The following MAP3K8 variants were observed in gnomAD, a reference collection of about 807,000 sequenced individuals.
MAP3K8 encodes the protein mitogen-activated protein kinase kinase kinase 8.
A neutral mutation model predicts 45.8 loss-of-function variants in MAP3K8; 22 were observed. The observed-to-expected ratio is 0.48, with a 90% CI of 0.34 to 0.69. MAP3K8 has a LOEUF of 0.69. MAP3K8 is among the 30% of genes least tolerant of loss of function. The pLI is 0.01. For synonymous variants in MAP3K8, 223 were observed against 214.3 expected (o/e 1.04, Z -0.36); for missense variants, 419 against 585.0 (o/e 0.72, Z 2.93).
At chr10:30,443,686 A>G (rs1442563084) in intron 3 of MAP3K8, among the ~76,000 whole-genome samples, 1 of 152,258 alleles carries the variant, frequency 6.6e-6, no homozygotes, top group Non-Finnish European at 1.5e-5. Flanking sequence ...GTTTCATAGT[A>G]GCATATCACA....
At position 30,460,712 on chromosome 10, in the gene MAP3K8, C is replaced by T. The variant is rs143676953; in HGVS notation, c.1280C>T (p.Ser427Leu). The T allele has an allele frequency of 5.9e-4, 943 of 1,604,998 alleles. 1 individual carries two copies. The highest frequency in any genetic ancestry group is 2.9e-4 in the Non-Finnish European group (339 of 1,175,640). Residue 427 changes from serine (S) to leucine (L), a missense_variant, in exon 9 of 9, where the codon TCG becomes TTG. Ser to Leu is a moderately radical substitution (Grantham distance 145). Transcript: ENST00000263056. ...GTAATGTTTTCCTTTTCAGATTCTT[C>T]GTGCACAGGAAGCACCGAGGAATCT... ...LELPENIADS[S>L]CTGSTEESEM...
At chr10:30,436,723 T>C (rs571851646) in intron 1 of MAP3K8, among the ~76,000 whole-genome samples, 2 of 151,492 alleles carry the variant, frequency 1.3e-5, no homozygotes, top group African/African-American at 4.9e-5. Context: ...TCCTCTAAAA[T>C]TTGTCTTCCC....
At chr10:30,435,572 GA>G (rs8176957) in intron 1 of MAP3K8, among the ~76,000 whole-genome samples, 37,705 of 152,072 alleles carry the variant, frequency 0.25, 8,490 homozygotes, top group African/African-American at 0.6. Context: ...TTTTTTTTGA[GA>G]GGGGGTTTCA....
Position 30,459,316 on chromosome 10 carries a change from A to T in MAP3K8, c.1088A>T (p.Glu363Val). The T allele has an allele frequency of 1.9e-6, 3 of 1,614,166 alleles. No individual in the cohort carries two copies. Among genetic ancestry groups the T allele is most frequent in the Non-Finnish European group, 2.5e-6 (3 of 1,180,012 alleles). ...GATGACTGCAGTCCAGGGATGAGAG[A>T]GCTGATAGAAGCTTCCCTGGAGAGA... ...IADDCSPGMRELIEASLERNP... is the reference protein window; with the variant it reads ...IADDCSPGMRVLIEASLERNP... Residue 363 changes from glutamate (E) to valine (V), a missense_variant, in exon 8 of 9, where the codon GAG (glutamate) becomes GTG (valine). Around this residue, in one of 3 missense-constraint regions of MAP3K8, gnomAD observed 209 missense variants for 367.3 expected, o/e 0.57. Transcript: ENST00000263056.
chr10:30,459,284 C>T lies in MAP3K8; in HGVS notation c.1056C>T (p.Asp352=), dbSNP rs137991584. ...ACAAGCAAGCACCTCCACTGGAAGA[C>T]ATTGCAGATGACTGCAGTCCAGGGA... is the stretch of plus-strand genomic sequence containing the variant. ...IIHKQAPPLE[D]IADDCSPGMR... The change falls in exon 8 of 9, where the codon GAC becomes GAT. Residue 352 remains aspartate (D), a synonymous_variant. Transcript: ENST00000263056. 4.0e-4 allele frequency: 640 copies of T among 1,614,180 alleles called. 1 individual carries two copies. In the African/African-American group the frequency reaches 4.1e-3, roughly 10 times the overall value.
chr10:30,458,155 C>T lies in MAP3K8; in HGVS notation c.945C>T (p.Ala315=), dbSNP rs749313634. ...AAGCAGACATCTACAGCCTGGGGGC[C>T]ACGCTCATCCACATGCAGACGGGCA... ...STKADIYSLG[A]TLIHMQTGTP... is the part of the protein sequence containing the mutation. The change falls in exon 7 of 9, where the codon GCC becomes GCT. Residue 315 remains alanine (A), a synonymous_variant. Transcript: ENST00000263056. The T allele has an allele frequency of 3.4e-5, 55 of 1,595,092 alleles. No individual in the cohort carries two copies. The highest frequency in any genetic ancestry group is 4.6e-5 in the Non-Finnish European group (54 of 1,170,444).
In MAP3K8 at chr10:30,438,912, C is replaced by T. The variant is rs762517753; in HGVS notation, c.-23-4C>T. 1 of 1,504,664 alleles carries T rather than the reference C, an allele frequency of 6.6e-7. No individual in the cohort carries two copies. The highest frequency in any genetic ancestry group is 1.2e-5 in the South Asian group (1 of 84,428). 93.2% of individuals were successfully genotyped at this position (1,504,664 alleles called of 1,614,324 possible). ...AAACTAAATATTTGTGTTTTCTTTC[C>T]TAGACTCTCCAGAAAGAGCAACAGT... On this transcript the variant is annotated splice_region_variant and splice_polypyrimidine_tract_variant and intron_variant, in intron 2 of 8. Coordinates refer to ENST00000263056, the MANE Select transcript of MAP3K8 (RefSeq NM_005204.4).
At chr10:30,444,454 A>C (rs1429471427) in intron 3 of MAP3K8, among the ~76,000 whole-genome samples, 3 of 152,018 alleles carry the variant, frequency 2.0e-5, no homozygotes, top group Admixed American at 2.0e-4. Context: ...CAAGAACGAA[A>C]CTCCATCACA....
rs766832145 is a variant in MAP3K8, at chr10:30,438,897, T to C, written c.-23-19T>C. 8 of 1,339,894 alleles carry C rather than the reference T, an allele frequency of 6.0e-6. No homozygotes were observed. The highest frequency in any genetic ancestry group is 8.2e-6 in the Non-Finnish European group (8 of 971,460). The allele number at this position is 1,339,894 out of a possible 1,614,324, so 83.0% of individuals were successfully genotyped here. ...AAATACAAATATCGTAAACTAAATA[T>C]TTGTGTTTTCTTTCCTAGACTCTCC... is the stretch of plus-strand genomic sequence containing the variant. On this transcript the variant is annotated intron_variant, in intron 2 of 8. Transcript: ENST00000263056.
intron 1 of MAP3K8, among the ~76,000 whole-genome samples, chr10:30,436,918 C>CAAAAAAA: frequency 6.6e-6 from 1 of 151,130 alleles, no homozygotes; most frequent in Non-Finnish European, 1.5e-5. Flanking sequence ...CTCTGTGTTT[C>CAAAAAAA]CAGTAAATTC....
rs192659341 is a variant in MAP3K8 at position 30,453,004 on chromosome 10, T to A, written c.873+1260T>A. Among the ~76,000 whole-genome samples the A allele has an allele frequency of 3.3e-3, 499 of 152,272 alleles. 1 individual carries two copies. Among genetic ancestry groups the A allele is most frequent in the Admixed American group, 9.0e-3 (137 of 15,300 alleles). ...CACAGTTCAGCTTTAATAATAATTA[T>A]AGAATTAGAGTTAACTTTATAATAA... On this transcript the variant is annotated intron_variant, in intron 6 of 8. Transcript: ENST00000263056.
At position 30,456,913 on chromosome 10, in the gene MAP3K8, A is replaced by G. The variant is rs965024926; in HGVS notation, c.874-1171A>G. On this transcript the variant is annotated intron_variant, in intron 6 of 8. Coordinates refer to ENST00000263056, the MANE Select transcript of MAP3K8 (RefSeq NM_005204.4). ...AGCCTGGCCAACATGGTGAAACCCC[A>G]TCTCTACTAAAAATACAAAAATTAG... is the stretch of plus-strand genomic sequence containing the variant. 7.2e-5 allele frequency among the ~76,000 whole-genome samples: 11 copies of G among 152,066 alleles called. 1 individual carries two copies. Among genetic ancestry groups the G allele is most frequent in the Admixed American group, 1.3e-4 (2 of 15,280 alleles).
Position 30,459,476 on chromosome 10 carries a change from G to T in MAP3K8, c.1248G>T (p.Glu416Asp), listed in dbSNP as rs1196878465. Residue 416 changes from glutamate to aspartate, a missense_variant, in exon 8 of 9, where the codon GAG becomes GAT. Glu to Asp is a conservative substitution (Grantham distance 45). Coordinates refer to ENST00000263056, the MANE Select transcript of MAP3K8 (RefSeq NM_005204.4). ...LERKRLLSRK[E>D]LELPENIADS... Reference sequence around the variant, plus strand: ...GCAAGAGGCTGCTGAGTAGGAAGGAGCTGGAACTTCCTGAGAACATTGCTG... The same window carrying T: ...GCAAGAGGCTGCTGAGTAGGAAGGATCTGGAACTTCCTGAGAACATTGCTG... 3.1e-6 allele frequency: 5 copies of T among 1,613,870 alleles called. No homozygotes were observed. The highest frequency in any genetic ancestry group is 4.2e-6 in the Non-Finnish European group (5 of 1,180,026).
intron 6 of MAP3K8, among the ~76,000 whole-genome samples, chr10:30,454,585 A>C: frequency 6.6e-6 from 1 of 151,206 alleles, no homozygotes; most frequent in Non-Finnish European, 1.5e-5. Context: ...AAAAACGCCA[A>C]GATTCTGTAA....
At chr10:30,450,759 A>C in intron 5 of MAP3K8, 1 of 500,776 alleles carries the variant, frequency 2.0e-6, no homozygotes, top group East Asian at 3.6e-5. Context: ...CATACCTATT[A>C]GGTACTGCTC....
intron 3 of MAP3K8, among the ~76,000 whole-genome samples, chr10:30,443,026 G>C (rs1190590836): frequency 6.6e-6 from 1 of 152,166 alleles, no homozygotes; most frequent in Non-Finnish European, 1.5e-5. Context: ...AGTCCTGACT[G>C]TAAGAAAGTT....
chr10:30,457,959 T>TG lies in MAP3K8; in HGVS notation c.874-121dup, dbSNP rs1836795656. 3.9e-6 allele frequency: 3 copies of TG among 766,176 alleles called. No homozygotes were observed. In the East Asian group the frequency reaches 9.6e-5, roughly 24 times the overall value. 47.5% of individuals were successfully genotyped at this position (766,176 alleles called of 1,614,324 possible). A position where few individuals can be genotyped will look rare whatever the true frequency, so the allele number is the denominator to read the frequency against. On this transcript the variant is annotated intron_variant, in intron 6 of 8. Coordinates refer to ENST00000263056, the MANE Select transcript of MAP3K8 (RefSeq NM_005204.4). ...CCTCCAGCAATTGCTGCATGGTTCCTGGGGAATGCCTGCATTATTCTCCTA... is the reference window on the plus strand; with the variant it reads ...CCTCCAGCAATTGCTGCATGGTTCCTGGGGGAATGCCTGCATTATTCTCCTA...
At chr10:30,456,643 A>G (rs548484601) in intron 6 of MAP3K8, among the ~76,000 whole-genome samples, 1 of 152,358 alleles carries the variant, frequency 6.6e-6, no homozygotes, top group Admixed American at 6.5e-5. Flanking sequence ...AGCCATGAAT[A>G]CAAATCACTG....
chr10:30,459,598 GGAAA>G (rs1836863488), intron 8 of MAP3K8, 97 bp downstream of exon 8: 3 of 1,406,306 alleles, frequency 2.1e-6, no homozygotes, highest in African/African-American at 1.4e-5. Context: ...TGGAAAAAAA[GGAAA>G]TGACTTCTTG....
Sources: allele counts gnomAD v4.1 joint callset (sites outside exome capture counted in the v4.1 genomes callset), GRCh38; gene constraint gnomAD v4.1.1; regional missense constraint gnomAD v4.1.1; transcripts MANE v1.5; gene names NCBI Gene and HGNC (gene_info 2026-07-23, HGNC 2026-07-21).